The following SLC12A3 variants were observed in gnomAD, a reference collection of about 807,000 sequenced individuals.
SLC12A3 encodes solute carrier family 12 member 3.
In SLC12A3, 104 loss-of-function variants were observed where a neutral mutation model predicts 121.0. That is an observed-to-expected ratio of 0.86 (90% CI 0.73 to 1.01). SLC12A3 has a LOEUF of 1.01. Ranked by LOEUF, SLC12A3 falls within the 50% of genes least tolerant of loss-of-function variation. SLC12A3 has a pLI of 0.00. For synonymous variants in SLC12A3, 536 were observed against 533.4 expected, an observed-to-expected ratio of 1.00 and a Z score of -0.07; for missense variants, 1,328 against 1,356.3, an observed-to-expected ratio of 0.98 and a Z score of 0.33.
intron 12 of SLC12A3, among the ~76,000 whole-genome samples, chr16:56,880,509 G>A (rs1235213101): frequency 3.9e-5 from 6 of 152,168 alleles, no homozygotes; most frequent in Non-Finnish European, 1.5e-5. Context: ...CTTCTGCTTT[G>A]TTAGAAGAGA....
chr16:56,871,942 C>T (rs766866508), intron 6 of SLC12A3, among the ~76,000 whole-genome samples: 5 of 152,092 alleles, frequency 3.3e-5, no homozygotes, highest in Admixed American at 6.6e-5. Flanking sequence ...AGGCTGATCT[C>T]GAACTCCTGA....
At chr16:56,913,124 G>C (rs1360353715) in intron 25 of SLC12A3, 140 bp from the exon 26 acceptor site, 2 of 1,047,778 alleles carry the variant, frequency 1.9e-6, no homozygotes, top group Non-Finnish European at 2.9e-6. Context: ...TGCGGAAAGT[G>C]GGGAGGTCAT....
intron 12 of SLC12A3, among the ~76,000 whole-genome samples, chr16:56,881,622 G>C (rs1334702315): frequency 6.6e-6 from 1 of 152,084 alleles, no homozygotes; most frequent in Non-Finnish European, 1.5e-5. Flanking sequence ...AGTTTATCTG[G>C]GGTGCTGGGG....
In SLC12A3 at chr16:56,913,680, C is replaced by A. The variant is rs2055716737; in HGVS notation, c.*275C>A. 2 of 481,804 alleles carry A rather than the reference C, an allele frequency of 4.2e-6. No homozygotes were observed. The highest frequency in any genetic ancestry group is 4.2e-5 in the South Asian group (2 of 47,172). The allele number at this position is 481,804 out of a possible 1,614,324, so 29.8% of individuals were successfully genotyped here. ...GCATCCTATTCCTTTTAAAGGATTTCTTTTGATTTTGATGACCATTAATTA... is the reference window on the plus strand; with the variant it reads ...GCATCCTATTCCTTTTAAAGGATTTATTTTGATTTTGATGACCATTAATTA... On this transcript the variant is annotated 3_prime_UTR_variant, in exon 26 of 26. Transcript: ENST00000563236.
chr16:56,865,618 A>T, intron 1 of SLC12A3, 101 bp downstream of exon 1: 2 of 1,316,140 alleles, frequency 1.5e-6, no homozygotes, highest in Non-Finnish European at 2.1e-6. Context: ...TGCCATGGGG[A>T]TGGAGGAGCG....
intron 23 of SLC12A3, among the ~76,000 whole-genome samples, chr16:56,901,519 TA>T (rs1163928809): frequency 6.6e-6 from 1 of 152,122 alleles, no homozygotes; most frequent in African/African-American, 2.4e-5. Context: ...TTTGTATTTT[TA>T]GTAGAGACAG....
At chr16:56,913,201 G>T (rs571251430) in intron 25 of SLC12A3, 63 bp from the exon 26 acceptor site, 1 of 1,609,886 alleles carries the variant, frequency 6.2e-7, no homozygotes, top group Non-Finnish European at 8.5e-7. Context: ...AACAAACTGG[G>T]AGCTGGGCGT....
intron 25 of SLC12A3, among the ~76,000 whole-genome samples, chr16:56,910,943 C>T (rs146567367): frequency 3.5e-4 from 54 of 152,128 alleles, no homozygotes; most frequent in African/African-American, 1.3e-3. Flanking sequence ...ACGTCATTGA[C>T]TGGTGTGGGG....
At position 56,877,821 on chromosome 16, in the gene SLC12A3, G is replaced by A. The variant is rs577028213; in HGVS notation, c.1096-256G>A. ...TTCTTCTCTCTGCCTCCATTTCCCA[G>A]GGCCTTGGGTGGAGTCTCCGACCCG... On this transcript the variant is annotated intron_variant, in intron 8 of 25. Coordinates refer to ENST00000563236, the MANE Select transcript of SLC12A3 (RefSeq NM_001126108.2). Among the ~76,000 whole-genome samples, 50 of 152,328 alleles carry A rather than the reference G, an allele frequency of 3.3e-4. 1 individual carries two copies. The highest frequency in any genetic ancestry group is 1.1e-3 in the African/African-American group (47 of 41,554).
intron 1 of SLC12A3, 27 bp downstream of exon 1, chr16:56,865,544 A>G (rs760058826): frequency 3.1e-6 from 5 of 1,606,456 alleles, no homozygotes; most frequent in Middle Eastern, 1.7e-4. Context: ...AAGACTGGCC[A>G]CTTCCCTGCT....
At chr16:56,897,907 T>C (rs892749123) in intron 22 of SLC12A3, among the ~76,000 whole-genome samples, 3 of 152,140 alleles carry the variant, frequency 2.0e-5, no homozygotes, top group Non-Finnish European at 1.5e-5. Context: ...TGCCCACGGC[T>C]CTGCTTTCAA....
chr16:56,888,020 TG>T lies in SLC12A3; in HGVS notation c.2276del (p.Gly759AlafsTer16), dbSNP rs1182653117. The T allele has an allele frequency of 6.2e-7, 1 of 1,609,468 alleles. No individual in the cohort carries two copies. Among genetic ancestry groups the T allele is most frequent in the Admixed American group, 1.7e-5 (1 of 59,910 alleles). On this transcript the variant is annotated frameshift_variant, in exon 18 of 26. Coordinates refer to ENST00000563236, the MANE Select transcript of SLC12A3 (RefSeq NM_001126108.2). LOFTEE classifies it high-confidence loss of function. ...ACCCGGCCACAGTGGAAGACTACAT[TG>T]GCATCCTCCAGTGAGTCGGGGGAGA... ...AHPATVEDYIGILHDAFDFNY... is the reference protein window; with the variant it reads ...AHPATVEDYIXILHDAFDFNY...
At chr16:56,869,335 A>T (rs1395817121) in intron 3 of SLC12A3, among the ~76,000 whole-genome samples, 1 of 149,648 alleles carries the variant, frequency 6.7e-6, no homozygotes, top group African/African-American at 2.4e-5. Flanking sequence ...ACAGAGACCC[A>T]TTTTTTTTTT....
At chr16:56,878,305 G>A (rs944725834) in intron 9 of SLC12A3, 144 bp downstream of exon 9, 8 of 681,810 alleles carry the variant, frequency 1.2e-5, no homozygotes, top group South Asian at 1.7e-5. Flanking sequence ...AGGGTGTGGC[G>A]ACCTTAGGAT....
At chr16:56,904,916 G>T in intron 25 of SLC12A3, 1 of 297,544 alleles carries the variant, frequency 3.4e-6, no homozygotes, top group Non-Finnish European at 6.6e-6. Flanking sequence ...TGTTCCTACT[G>T]GACCCACGTC....
chr16:56,901,208 C>T (rs6499858), intron 23 of SLC12A3, among the ~76,000 whole-genome samples: 61,888 of 152,002 alleles, frequency 0.41, 14,312 homozygotes, highest in African/African-American at 0.65. Flanking sequence ...TGACCTCACT[C>T]GCCCTTGCTG....
intron 23 of SLC12A3, among the ~76,000 whole-genome samples, chr16:56,901,347 C>CTCTTTTTTTTTTTTTTTT (rs1555502273): frequency 2.3e-5 from 3 of 128,904 alleles, no homozygotes; most frequent in African/African-American, 9.8e-5. Flanking sequence ...CTCTCTCTCT[C>CTCTTTTTTTTTTTTTTTT]TTTTTTTTTT....
At chr16:56,909,301 G>GA (rs1369317158) in intron 25 of SLC12A3, among the ~76,000 whole-genome samples, 11 of 108,912 alleles carry the variant, frequency 1.0e-4, no homozygotes, top group African/African-American at 2.7e-4. Flanking sequence ...ACTACCAAAA[G>GA]AAAAAAAAAG....
At chr16:56,867,333 C>A in intron 2 of SLC12A3, 117 bp downstream of exon 2, 2 of 961,338 alleles carry the variant, frequency 2.1e-6, no homozygotes, top group Non-Finnish European at 3.1e-6. Flanking sequence ...CCCATCTGTA[C>A]AATGAATTCA....
Sources: gnomAD v4.1 joint callset for allele counts (sites outside exome capture counted in the v4.1 genomes callset) on GRCh38, gnomAD v4.1.1 for gene constraint, MANE v1.5 for transcripts, NCBI Gene and HGNC (gene_info 2026-07-23, HGNC 2026-07-21) for gene names.